The following ZNF335 variants were observed in gnomAD, a reference collection of about 807,000 sequenced individuals.
ZNF335 encodes the protein NRC-interacting factor 1.
Under a neutral mutation model 145.6 loss-of-function variants are expected in ZNF335, and 84 were observed. That is an observed-to-expected ratio of 0.58 (90% CI 0.48 to 0.69). ZNF335 has a LOEUF of 0.69. Ranked by LOEUF, ZNF335 falls within the 30% of genes least tolerant of loss-of-function variation. The probability of loss-of-function intolerance (pLI) is 0.00; values close to 1 mark genes in which losing one functional copy is unlikely to be tolerated. For missense variants in ZNF335, 1,865 were observed against 1,809.7 expected (o/e 1.03, Z -0.55); for synonymous variants, 761 against 717.0 (o/e 1.06, Z -0.98).
intron 17 of ZNF335, among the ~76,000 whole-genome samples, chr20:45,954,520 CAGAGAA>C (rs2083691199): frequency 6.6e-6 from 1 of 151,964 alleles, no homozygotes; most frequent in South Asian, 2.1e-4. Context: ...CTAATCATGA[CAGAGAA>C]AGATAAAACC....
At chr20:45,955,859 C>T (rs1329726418) in intron 17 of ZNF335, among the ~76,000 whole-genome samples, 2 of 151,754 alleles carry the variant, frequency 1.3e-5, no homozygotes, top group African/African-American at 4.8e-5. Context: ...AATATATGTA[C>T]AGTGAAGCAC....
At chr20:45,966,553 T>TTC (rs1179674415) in intron 6 of ZNF335, among the ~76,000 whole-genome samples, 1 of 147,040 alleles carries the variant, frequency 6.8e-6, no homozygotes, top group African/African-American at 2.5e-5. Context: ...TTTTCTTTCT[T>TTC]TTTTTTTTTT....
chr20:45,949,757 A>C, intron 24 of ZNF335, 43 bp downstream of exon 24: 8 of 1,604,472 alleles, frequency 5.0e-6, no homozygotes, highest in Non-Finnish European at 6.0e-6. Context: ...TTGGGAGGGT[A>C]GGAGGTCACA....
rs749326053 is a variant in ZNF335 at position 45,950,209 on chromosome 20, G to A, written c.3487+10C>T. 2 of 1,551,756 alleles carry A rather than the reference G, an allele frequency of 1.3e-6. No individual in the cohort carries two copies. The highest frequency in any genetic ancestry group is 8.7e-7 in the Non-Finnish European group (1 of 1,148,576). On this transcript the variant is annotated intron_variant, in intron 22 of 27. Coordinates refer to ENST00000322927, the MANE Select transcript of ZNF335 (RefSeq NM_022095.4). ...CTGTTGCCCACCCTGTGGCCCCAGG[G>A]GCAGCTCACTGTGCAGGGTGGCCAG...
At chr20:45,953,188 C>T (rs2083665774) in intron 18 of ZNF335, among the ~76,000 whole-genome samples, 1 of 152,212 alleles carries the variant, frequency 6.6e-6, no homozygotes, top group Non-Finnish European at 1.5e-5. Flanking sequence ...CTCAGATGGC[C>T]TAAGAGTTTG....
intron 20 of ZNF335, among the ~76,000 whole-genome samples, 164 bp from the exon 21 acceptor site, chr20:45,950,759 C>T (rs777627681): frequency 1.6e-4 from 24 of 152,214 alleles, no homozygotes; most frequent in East Asian, 1.3e-3. Flanking sequence ...AAGCCGGATC[C>T]GTATCTGGTG....
In ZNF335 at chr20:45,968,056, G is replaced by T. The variant is rs771940023; in HGVS notation, c.521-29C>A. 4 of 1,611,590 alleles carry T rather than the reference G, an allele frequency of 2.5e-6. No individual in the cohort carries two copies. In the South Asian group the frequency reaches 4.4e-5, roughly 18 times the overall value. On this transcript the variant is annotated intron_variant, in intron 4 of 27. Coordinates refer to ENST00000322927, the MANE Select transcript of ZNF335 (RefSeq NM_022095.4). ...GGGATGGGTGAGGCAATTGGAGGGT[G>T]GTTAAATGGAGGGCAGCACTGGCCA...
intron 2 of ZNF335, 119 bp downstream of exon 2, chr20:45,971,091 C>T (rs2084056099): frequency 7.1e-7 from 1 of 1,411,768 alleles, no homozygotes; most frequent in African/African-American, 1.5e-5. Context: ...TGGTGCCTGG[C>T]TCACAGTAAA....
At chr20:45,955,968 T>C (rs535231035) in intron 17 of ZNF335, among the ~76,000 whole-genome samples, 1 of 152,248 alleles carries the variant, frequency 6.6e-6, no homozygotes, top group East Asian at 1.9e-4. Flanking sequence ...AGATGCAAGA[T>C]GGAGATCTTA....
chr20:45,959,485 C>G (rs527471105), intron 14 of ZNF335, 52 bp from the exon 15 acceptor site: 127 of 1,309,924 alleles, frequency 9.7e-5, no homozygotes, highest in Middle Eastern at 2.1e-4. Flanking sequence ...TAGCCTACCC[C>G]CTCCAGGAAT....
rs561155029 is a variant in ZNF335 at position 45,957,219 on chromosome 20, C to A, written c.2442+367G>T. On this transcript the variant is annotated intron_variant, in intron 17 of 27. Coordinates refer to ENST00000322927, the MANE Select transcript of ZNF335 (RefSeq NM_022095.4). ...TGTAGGAGGTGTCCCGGAATGAGGG[C>A]GCTCTTGTGGATGGAAAAGCTAGTT... Among the ~76,000 whole-genome samples the A allele has an allele frequency of 7.2e-5, 11 of 152,238 alleles. No individual in the cohort carries two copies. In the East Asian group the frequency reaches 1.9e-3, roughly 27 times the overall value.
At position 45,967,651 on chromosome 20, in the gene ZNF335, G is replaced by A. The variant is rs748590056; in HGVS notation, c.815-17C>T. 1.2e-6 allele frequency: 2 copies of A among 1,613,262 alleles called. No individual in the cohort carries two copies. Among genetic ancestry groups the A allele is most frequent in the South Asian group, 1.1e-5 (1 of 91,022 alleles). On this transcript the variant is annotated splice_polypyrimidine_tract_variant and intron_variant, in intron 5 of 27. Transcript: ENST00000322927. ...CTGCTGCTACTGGAAGTGGAGGGAG[G>A]GTAAGACAAGCTTGCCATGTCTGGC...
Position 45,948,761 on chromosome 20 carries a change from ACCCAGCATGTCCTGGCTGGGGCC to A in ZNF335, c.*169_*191del. ...CCAAAGCCTGCCTGCAGGCTGGGGCACCCAGCATGTCCTGGCTGGGGCCCATGGCTGCCCCTAACCCCAACAGC... is the reference window on the plus strand; with the variant it reads ...CCAAAGCCTGCCTGCAGGCTGGGGCACATGGCTGCCCCTAACCCCAACAGC... On this transcript the variant is annotated 3_prime_UTR_variant, in exon 28 of 28. Transcript: ENST00000322927. 1 of 803,148 alleles carries A rather than the reference ACCCAGCATGTCCTGGCTGGGGCC, an allele frequency of 1.2e-6. No individual in the cohort carries two copies. The highest frequency in any genetic ancestry group is 1.9e-6 in the Non-Finnish European group (1 of 513,910). The allele number at this position is 803,148 out of a possible 1,614,324, so 49.8% of individuals were successfully genotyped here.
chr20:45,969,906 G>A (rs955405693), intron 2 of ZNF335: 4 of 462,584 alleles, frequency 8.6e-6, no homozygotes, highest in African/African-American at 7.8e-5. Context: ...TCTCATCAGG[G>A]AATACACAAA....
rs758357544 is a variant in ZNF335 at position 45,969,829 on chromosome 20, C to A, written c.202-138G>T. On this transcript the variant is annotated intron_variant, in intron 2 of 27. Transcript: ENST00000322927. ...GGAGCCACTCATGCCCTCAGCCCCA[C>A]GGAGGACCAGTGAGAGAGGCCCTCC... The A allele has an allele frequency of 1.2e-4, 145 of 1,208,210 alleles. 1 individual carries two copies. The highest frequency in any genetic ancestry group is 1.5e-4 in the Non-Finnish European group (138 of 893,718). 74.8% of individuals were successfully genotyped at this position (1,208,210 alleles called of 1,614,324 possible).
chr20:45,953,982 C>G (rs779262748), intron 17 of ZNF335, 34 bp from the exon 18 acceptor site: 12 of 1,546,370 alleles, frequency 7.8e-6, no homozygotes, highest in Middle Eastern at 1.7e-4. Context: ...ATGGGAGGCA[C>G]TGGTGGCAGA....
At position 45,967,813 on chromosome 20, in the gene ZNF335, G is replaced by A. The variant is rs778080795; in HGVS notation, c.735C>T (p.Phe245=). ...TCCGGTACTGGCACATCTTGCATTT[G>A]AACTGCTGCACCACCACCACCTCCA... ...AMMEVVVVQQ[F]KCKMCQYRSS... The change falls in exon 5 of 28, where the codon TTC becomes TTT. Residue 245 remains phenylalanine, a synonymous_variant. Transcript: ENST00000322927. The A allele has an allele frequency of 6.2e-7, 1 of 1,613,534 alleles. No individual in the cohort carries two copies. The highest frequency in any genetic ancestry group is 1.6e-4 in the Middle Eastern group (1 of 6,062).
chr20:45,948,903 C>T lies in ZNF335; in HGVS notation c.*50G>A, dbSNP rs1193577223. 1 of 1,612,642 alleles carries T rather than the reference C, an allele frequency of 6.2e-7. No individual in the cohort carries two copies. Among genetic ancestry groups the T allele is most frequent in the East Asian group, 2.2e-5 (1 of 44,866 alleles). ...GAGGTGAGTCCTGGTGGCCCCCTACCCCCAGGAGAGCTGGCCGCAAATCCA... is the reference window on the plus strand; with the variant it reads ...GAGGTGAGTCCTGGTGGCCCCCTACTCCCAGGAGAGCTGGCCGCAAATCCA... On this transcript the variant is annotated 3_prime_UTR_variant, in exon 28 of 28. Transcript: ENST00000322927.
intron 7 of ZNF335, 50 bp downstream of exon 7, chr20:45,965,578 A>G: frequency 4.5e-6 from 7 of 1,545,498 alleles, no homozygotes; most frequent in Non-Finnish European, 6.1e-6. Context: ...GCAGGGAGAG[A>G]GGCCACTCCT....
Sources: gnomAD v4.1 joint callset for allele counts (sites outside exome capture counted in the v4.1 genomes callset) on GRCh38, gnomAD v4.1.1 for gene constraint, MANE v1.5 for transcripts, NCBI Gene and HGNC (gene_info 2026-07-23, HGNC 2026-07-21) for gene names.